SLC26A7: variants seen among roughly 807,000 people sequenced by gnomAD.
SLC26A7 encodes the protein anion exchange transporter.
In SLC26A7, 59 loss-of-function variants were observed where a neutral mutation model predicts 82.5. The observed-to-expected ratio is 0.72, with a 90% confidence interval of 0.58 to 0.89. The LOEUF is 0.89. Ranked by LOEUF, SLC26A7 falls within the 40% of genes least tolerant of loss-of-function variation. SLC26A7 has a pLI of 0.00. For missense variants in SLC26A7, 820 were observed against 793.0 expected, an observed-to-expected ratio of 1.03 and a Z score of -0.41; for synonymous variants, 271 against 274.3, an observed-to-expected ratio of 0.99 and a Z score of 0.12.
At chr8:91,394,141 A>G in intron 18 of SLC26A7, 102 bp downstream of exon 18, 1 of 1,593,956 alleles carries the variant, frequency 6.3e-7, no homozygotes, top group Non-Finnish European at 8.6e-7. Flanking sequence ...TTGGCATCTA[A>G]AATCTGTTAG....
At chr8:91,348,185 C>T in intron 9 of SLC26A7, 1 of 313,058 alleles carries the variant, frequency 3.2e-6, no homozygotes, top group Non-Finnish European at 4.6e-6. Context: ...TGGCTAATTG[C>T]TTTCATCTCC....
chr8:91,302,674 T>C (rs565985072), intron 4 of SLC26A7, among the ~76,000 whole-genome samples: 12 of 152,160 alleles, frequency 7.9e-5, no homozygotes, highest in Non-Finnish European at 1.8e-4. Flanking sequence ...AAAATATCTG[T>C]AATTTCACAA....
chr8:91,224,363 G>A (rs1358528475), intron 2 of SLC26A7, among the ~76,000 whole-genome samples: 2 of 151,996 alleles, frequency 1.3e-5, no homozygotes, highest in Non-Finnish European at 2.9e-5. Flanking sequence ...GGGTTTTTTT[G>A]TGGGGACTTA....
At chr8:91,345,658 C>T (rs1563690908) in intron 9 of SLC26A7, among the ~76,000 whole-genome samples, 1 of 152,088 alleles carries the variant, frequency 6.6e-6, no homozygotes, top group Non-Finnish European at 1.5e-5. Context: ...TTTTCTAGTC[C>T]AAGATGCCCA....
intron 2 of SLC26A7, among the ~76,000 whole-genome samples, chr8:91,262,968 G>A (rs1811009253): frequency 6.6e-6 from 1 of 151,990 alleles, no homozygotes; most frequent in African/African-American, 2.4e-5. Context: ...ATGTAACCAT[G>A]TACCACTATG....
chr8:91,332,491 T>TACACACACACACACACACACACACAC (rs34306717), intron 5 of SLC26A7, among the ~76,000 whole-genome samples: 1 of 125,222 alleles, frequency 8.0e-6, no homozygotes, highest in Non-Finnish European at 1.7e-5. Context: ...ATATATTTAA[T>TACACACACACACACACACACACACAC]ACACACACAC....
At chr8:91,272,869 G>A (rs1055056790) in intron 2 of SLC26A7, among the ~76,000 whole-genome samples, 5 of 152,276 alleles carry the variant, frequency 3.3e-5, no homozygotes, top group Non-Finnish European at 5.9e-5. Flanking sequence ...GAGGCAAGAG[G>A]CTAGTTAGGA....
intron 4 of SLC26A7, among the ~76,000 whole-genome samples, chr8:91,296,021 AC>A (rs1224426505): frequency 6.6e-6 from 1 of 152,214 alleles, no homozygotes; most frequent in Non-Finnish European, 1.5e-5. Flanking sequence ...CCACACAGTG[AC>A]TAGGTCGTCA....
chr8:91,271,590 C>CTTTTTTT (rs67904308), intron 2 of SLC26A7, among the ~76,000 whole-genome samples: 4 of 113,718 alleles, frequency 3.5e-5, no homozygotes, highest in African/African-American at 6.8e-5. Flanking sequence ...CTAGAGAAAT[C>CTTTTTTT]TTTTTTTTTT....
At chr8:91,312,682 T>C (rs959980125) in intron 4 of SLC26A7, among the ~76,000 whole-genome samples, 1 of 151,726 alleles carries the variant, frequency 6.6e-6, no homozygotes, top group Non-Finnish European at 1.5e-5. Flanking sequence ...TGTTTGATAG[T>C]AGTCATCCTA....
intron 4 of SLC26A7, among the ~76,000 whole-genome samples, chr8:91,318,005 A>AG (rs141203991): frequency 0.1 from 15,527 of 148,308 alleles, 954 homozygotes; most frequent in Middle Eastern, 0.21. Context: ...AATTAAATTA[A>AG]AAAAAAAAGA....
At chr8:91,374,991 G>A (rs1025706157) in intron 15 of SLC26A7, among the ~76,000 whole-genome samples, 3 of 151,600 alleles carry the variant, frequency 2.0e-5, no homozygotes, top group Non-Finnish European at 2.9e-5. Flanking sequence ...GCCCTTCTTT[G>A]TCTTTCTTTC....
chr8:91,369,903 C>T (rs531323561), intron 15 of SLC26A7, 70 bp downstream of exon 15: 3 of 1,218,136 alleles, frequency 2.5e-6, no homozygotes, highest in African/African-American at 1.5e-5. Flanking sequence ...ATAAAATCTT[C>T]TTCCCCTTCT....
intron 10 of SLC26A7, among the ~76,000 whole-genome samples, 192 bp downstream of exon 10, chr8:91,352,079 GT>G (rs757005167): frequency 6.6e-6 from 1 of 150,570 alleles, no homozygotes; most frequent in Admixed American, 6.6e-5. Context: ...TACCGTGGCT[GT>G]TTTTTTTTAC....
intron 1 of SLC26A7, among the ~76,000 whole-genome samples, chr8:91,214,222 A>T (rs1809994832): frequency 6.6e-6 from 1 of 151,798 alleles, no homozygotes; most frequent in African/African-American, 2.4e-5. Context: ...AGCATGGGAA[A>T]CCTCTGAGGG....
At chr8:91,389,460 A>G in intron 16 of SLC26A7, 22 bp downstream of exon 16, 1 of 1,554,728 alleles carries the variant, frequency 6.4e-7, no homozygotes, top group Non-Finnish European at 8.9e-7. Context: ...ACTTGTGTTT[A>G]GAACTGTTTC....
At position 91,289,266 on chromosome 8, in the gene SLC26A7, T is replaced by A. The variant is rs1460673932; in HGVS notation, c.304+20T>A. ...CCACAGGTAATAATTCCTATGTTTA[T>A]GCTTCTAATGTTACTCGCAAAAAAG... On this transcript the variant is annotated intron_variant, in intron 3 of 18. Transcript: ENST00000276609. 1.9e-6 allele frequency: 3 copies of A among 1,556,316 alleles called. No homozygotes were observed. In the Admixed American group the frequency reaches 5.0e-5, roughly 26 times the overall value.
chr8:91,254,979 A>T (rs1173715482), intron 2 of SLC26A7, among the ~76,000 whole-genome samples: 1 of 152,126 alleles, frequency 6.6e-6, no homozygotes, highest in Admixed American at 6.6e-5. Context: ...AAGCAGTATA[A>T]GACTCTGGTT....
chr8:91,218,711 T>C (rs1810103749), intron 1 of SLC26A7, among the ~76,000 whole-genome samples: 1 of 152,160 alleles, frequency 6.6e-6, no homozygotes, highest in South Asian at 2.1e-4. Context: ...TTGAGTATGA[T>C]TTTCTTAGCT....
Sources: gnomAD v4.1 joint callset for allele counts (sites outside exome capture counted in the v4.1 genomes callset) on GRCh38, gnomAD v4.1.1 for gene constraint, MANE v1.5 for transcripts, NCBI Gene and HGNC (gene_info 2026-07-23, HGNC 2026-07-21) for gene names.